NOSIP: variants seen among roughly 807,000 people sequenced by gnomAD.
The protein encoded by NOSIP is nitric oxide synthase interacting protein, also known as nitric oxide synthase-interacting protein.
NOSIP carries 25 observed loss-of-function variants against 36.4 expected under a neutral mutation model. The ratio of observed to expected loss-of-function variants is 0.69; its 90% confidence interval spans 0.50 to 0.96. NOSIP has a LOEUF of 0.96. NOSIP is among the 40% of genes least tolerant of loss of function. The probability of loss-of-function intolerance (pLI) is 0.00; values close to 1 mark genes in which losing one functional copy is unlikely to be tolerated. For synonymous variants in NOSIP, 187 were observed against 179.2 expected, an observed-to-expected ratio of 1.04 and a Z score of -0.35; for missense variants, 370 against 429.0, an observed-to-expected ratio of 0.86 and a Z score of 1.21.
At chr19:49,567,339 T>C (rs2080424284) in intron 1 of NOSIP, among the ~76,000 whole-genome samples, 1 of 151,204 alleles carries the variant, frequency 6.6e-6, no homozygotes, top group African/African-American at 2.4e-5. Flanking sequence ...GCCAGGATGG[T>C]CTCGATCTCC....
Position 49,557,233 on chromosome 19 carries a change from C to A in NOSIP, c.275G>T (p.Arg92Leu). The change falls in exon 5 of 9, where the codon CGG becomes CTG. Residue 92 changes from arginine to leucine, a missense_variant. Arg to Leu is a moderately radical substitution (Grantham distance 102). Around this residue, in one of 3 missense-constraint regions of NOSIP, gnomAD observed 315 missense variants for 331.9 expected, o/e 0.95. Transcript: ENST00000596358. ...CTTCTGCTCCTCGCGCCGGGTGCCCCGCTGCTTCTCGTAGGCCTGCGTCGG... is the reference window on the plus strand; with the variant it reads ...CTTCTGCTCCTCGCGCCGGGTGCCCAGCTGCTTCTCGTAGGCCTGCGTCGG... The part of the protein sequence containing the change: ...ARQMKAYEKQ[R>L]GTRREEQKEL... 1 of 1,589,820 alleles carries A rather than the reference C, an allele frequency of 6.3e-7. No homozygotes were observed. The highest frequency in any genetic ancestry group is 1.1e-5 in the South Asian group (1 of 87,760).
At chr19:49,556,807 C>G (rs2122774686) in intron 6 of NOSIP, 68 bp downstream of exon 6, 1 of 1,595,324 alleles carries the variant, frequency 6.3e-7, no homozygotes, top group East Asian at 2.2e-5. Flanking sequence ...GGTCCCTGTG[C>G]GTGAGGAGGA....
chr19:49,559,803 AGGCT>A, intron 3 of NOSIP, 127 bp downstream of exon 3: 1 of 697,058 alleles, frequency 1.4e-6, no homozygotes, highest in Non-Finnish European at 2.6e-6. Context: ...GAGAATACAG[AGGCT>A]CTGAGGATAA....
chr19:49,575,940 A>G (rs566465936), intron 1 of NOSIP, among the ~76,000 whole-genome samples: 3 of 151,644 alleles, frequency 2.0e-5, no homozygotes, highest in African/African-American at 4.9e-5. Context: ...GACCATCCTG[A>G]CTAACACGGT....
intron 1 of NOSIP, among the ~76,000 whole-genome samples, chr19:49,573,933 C>G (rs1025421999): frequency 2.1e-4 from 31 of 149,338 alleles, no homozygotes; most frequent in African/African-American, 7.2e-4. Context: ...GATCTTGACT[C>G]ACTGCAACCT....
intron 4 of NOSIP, chr19:49,557,537 C>G (rs2122781096): frequency 7.9e-7 from 1 of 1,262,590 alleles, no homozygotes; most frequent in East Asian, 3.0e-5. Context: ...TGGTTACCCA[C>G]CTCAGCGGCT....
At chr19:49,574,813 A>C (rs1302931748) in intron 1 of NOSIP, among the ~76,000 whole-genome samples, 4 of 151,320 alleles carry the variant, frequency 2.6e-5, no homozygotes, top group African/African-American at 9.7e-5. Context: ...CTCCTGCTTC[A>C]GCCTCCTAAG....
chr19:49,557,724 C>T (rs1599744905), intron 4 of NOSIP: 1 of 994,056 alleles, frequency 1.0e-6, no homozygotes, highest in Middle Eastern at 3.5e-4. Context: ...CTGAGGAGCC[C>T]ATGTCTATGG....
At chr19:49,567,390 G>T (rs973783134) in intron 1 of NOSIP, among the ~76,000 whole-genome samples, 1 of 152,036 alleles carries the variant, frequency 6.6e-6, no homozygotes, top group Non-Finnish European at 1.5e-5. Flanking sequence ...CAAAGTGCTG[G>T]GATTACAGGC....
At position 49,560,763 on chromosome 19, in the gene NOSIP, C is replaced by A; in HGVS notation, c.-1-71G>T. The stretch of plus-strand genomic sequence containing the variant: ...GCAGCACAGGGAAGACCTCTGCAGC[C>A]CTCAGAGCTGATCTGCCCCCCTTGA... On this transcript the variant is annotated intron_variant, in intron 1 of 8. Coordinates refer to ENST00000596358, the MANE Select transcript of NOSIP (RefSeq NM_001270960.2). This position sits in a 1 kb window ranked among gnomAD's most constrained non-coding sequence, Gnocchi z 4.6. 1 of 1,172,838 alleles carries A rather than the reference C, an allele frequency of 8.5e-7. No individual in the cohort carries two copies. Among genetic ancestry groups the A allele is most frequent in the Non-Finnish European group, 1.2e-6 (1 of 803,988 alleles). The allele number at this position is 1,172,838 out of a possible 1,614,324, so 72.7% of individuals were successfully genotyped here.
chr19:49,580,288 G>T (rs1169035209), intron 1 of NOSIP, among the ~76,000 whole-genome samples: 1 of 142,948 alleles, frequency 7.0e-6, no homozygotes, highest in Non-Finnish European at 1.6e-5. Flanking sequence ...TGAGTTTATA[G>T]TGAGAGAGAG....
rs1047038820 is a variant in NOSIP at position 49,560,830 on chromosome 19, G to C, written c.-1-138C>G. 1.2e-5 allele frequency: 8 copies of C among 694,208 alleles called. No homozygotes were observed. In the African/African-American group the frequency reaches 1.4e-4, roughly 12 times the overall value. The allele number at this position is 694,208 out of a possible 1,614,324, so 43.0% of individuals were successfully genotyped here. ...GAGAAGGGGGGTGAGGTGGAAGAGA[G>C]GGAGGGCATGTGGTCGCCAGGCCTC... On this transcript the variant is annotated intron_variant, in intron 1 of 8. Coordinates refer to ENST00000596358, the MANE Select transcript of NOSIP (RefSeq NM_001270960.2). The surrounding 1 kb of genome is among the most constrained non-coding windows in gnomAD (Gnocchi z 4.6).
At chr19:49,570,326 A>T (rs1192467212) in intron 1 of NOSIP, among the ~76,000 whole-genome samples, 1 of 151,972 alleles carries the variant, frequency 6.6e-6, no homozygotes, top group Non-Finnish European at 1.5e-5. Context: ...TGCCTTTCCC[A>T]TTCAAAACTT....
intron 1 of NOSIP, among the ~76,000 whole-genome samples, chr19:49,577,892 A>G (rs1157747117): frequency 6.6e-6 from 1 of 152,210 alleles, no homozygotes; most frequent in African/African-American, 2.4e-5. Flanking sequence ...CAAAATACCC[A>G]GATTAGGCAA....
At chr19:49,573,048 C>T (rs942286878) in intron 1 of NOSIP, among the ~76,000 whole-genome samples, 15 of 151,820 alleles carry the variant, frequency 9.9e-5, no homozygotes, top group Non-Finnish European at 1.9e-4. Flanking sequence ...ATCATAACAC[C>T]TCAAACGGTC....
intron 1 of NOSIP, among the ~76,000 whole-genome samples, chr19:49,571,036 G>T (rs1009916668): frequency 1.3e-5 from 2 of 151,980 alleles, no homozygotes; most frequent in African/African-American, 4.8e-5. Context: ...GAGTGCAGTG[G>T]TGTGATCTCG....
intron 1 of NOSIP, among the ~76,000 whole-genome samples, chr19:49,564,675 T>C (rs59969387): frequency 0.027 from 4,032 of 152,060 alleles, 192 homozygotes; most frequent in African/African-American, 0.092. Flanking sequence ...AGCCAGCAAT[T>C]CGTCTCCCAC....
intron 1 of NOSIP, among the ~76,000 whole-genome samples, chr19:49,572,122 TG>T (rs2080493145): frequency 6.6e-6 from 1 of 151,738 alleles, no homozygotes; most frequent in African/African-American, 2.4e-5. Context: ...CTTTTTTTTT[TG>T]AGATGGAGTT....
At chr19:49,567,424 A>G (rs752530522) in intron 1 of NOSIP, among the ~76,000 whole-genome samples, 4 of 151,996 alleles carry the variant, frequency 2.6e-5, no homozygotes, top group Admixed American at 6.6e-5. Flanking sequence ...CCCGGCCCCA[A>G]AAATTTTTTT....
Sources: gnomAD v4.1 joint callset for allele counts (sites outside exome capture counted in the v4.1 genomes callset) on GRCh38, gnomAD v4.1.1 for gene constraint, gnomAD v4.1.1 regional missense constraint, Gnocchi (gnomAD v3.1) non-coding constraint, MANE v1.5 for transcripts, NCBI Gene and HGNC (gene_info 2026-07-23, HGNC 2026-07-21) for gene names.